Variants in SSBP3 observed in about 807,000 individuals in gnomAD.
The protein encoded by SSBP3 is single-stranded DNA-binding protein 3.
In SSBP3, 5 loss-of-function variants were observed where a neutral mutation model predicts 69.6. That is an observed-to-expected ratio of 0.07 (90% CI 0.04 to 0.15). The LOEUF is 0.15. Ranked by LOEUF, SSBP3 falls within the 10% of genes least tolerant of loss-of-function variation. The pLI is 1.00. For missense variants in SSBP3, 312 were observed against 534.0 expected (o/e 0.58, Z 4.10); for synonymous variants, 196 against 193.4 (o/e 1.01, Z -0.11).
intron 4 of SSBP3, among the ~76,000 whole-genome samples, chr1:54,369,221 G>T (rs530577199): frequency 1.1e-4 from 17 of 150,626 alleles, no homozygotes; most frequent in South Asian, 6.4e-4. Flanking sequence ...CTTGAGTCGG[G>T]GGGGGGGCCC....
chr1:54,324,842 C>T (rs571929640), intron 4 of SSBP3, among the ~76,000 whole-genome samples: 2 of 152,230 alleles, frequency 1.3e-5, no homozygotes, highest in East Asian at 3.9e-4. Context: ...ATCTGCTAAA[C>T]GAGGTGGTTT....
At chr1:54,229,897 G>C (rs867259809) in intron 14 of SSBP3, among the ~76,000 whole-genome samples, 1 of 152,224 alleles carries the variant, frequency 6.6e-6, no homozygotes, top group East Asian at 1.9e-4. Context: ...CAGAGATGCT[G>C]ACTTCCAAAG....
intron 10 of SSBP3, 79 bp from the exon 11 acceptor site, chr1:54,242,291 G>C: frequency 1.3e-6 from 2 of 1,538,048 alleles, no homozygotes; most frequent in South Asian, 2.3e-5. Flanking sequence ...GGGGCAGAAG[G>C]AAAGGGCTGA....
At chr1:54,227,920 C>A (rs1644314447) in intron 17 of SSBP3, among the ~76,000 whole-genome samples, 1 of 152,206 alleles carries the variant, frequency 6.6e-6, no homozygotes, top group South Asian at 2.1e-4. Flanking sequence ...TCGTTGGCTG[C>A]ACGAACCTTT....
chr1:54,263,274 A>G (rs749684648), intron 5 of SSBP3, among the ~76,000 whole-genome samples: 2 of 152,190 alleles, frequency 1.3e-5, no homozygotes, highest in Non-Finnish European at 2.9e-5. Context: ...CAGGACCCCC[A>G]GCCCTCCCGC....
intron 4 of SSBP3, among the ~76,000 whole-genome samples, chr1:54,382,776 G>A (rs766059170): frequency 1.3e-5 from 2 of 150,386 alleles, no homozygotes; most frequent in Admixed American, 1.3e-4. Flanking sequence ...ACCTGAAGTC[G>A]GGAGTTCGAG....
intron 14 of SSBP3, among the ~76,000 whole-genome samples, chr1:54,236,147 A>C (rs1247717693): frequency 6.6e-6 from 1 of 151,838 alleles, no homozygotes; most frequent in Non-Finnish European, 1.5e-5. Context: ...ACGGAGTCTC[A>C]TTCTGTCACC....
upstream of SSBP3, among the ~76,000 whole-genome samples, chr1:54,407,749 A>AT (rs532968816): frequency 0.086 from 8,323 of 97,204 alleles, 699 homozygotes; most frequent in Non-Finnish European, 0.1. Context: ...GCCTAGGTTG[A>AT]TTTTTTTTTT....
chr1:54,378,815 G>A (rs1329529107), intron 4 of SSBP3, among the ~76,000 whole-genome samples: 4 of 152,178 alleles, frequency 2.6e-5, no homozygotes, highest in Non-Finnish European at 5.9e-5. Flanking sequence ...GGGACAAAGG[G>A]GACAAGAGAC....
rs1275625511 is a variant in SSBP3, at chr1:54,240,813, C to T, written c.856+92G>A. Reference sequence around the variant, plus strand: ...CCCAGGAAGGAGTGGCTGGTAAGCTCTGGCTCTGCAACAGTGCCCCTCCAG... The same window carrying T: ...CCCAGGAAGGAGTGGCTGGTAAGCTTTGGCTCTGCAACAGTGCCCCTCCAG... On this transcript the variant is annotated intron_variant, in intron 13 of 17. Transcript: ENST00000610401. The T allele has an allele frequency of 3.3e-6, 5 of 1,537,186 alleles. No homozygotes were observed. In the African/African-American group the frequency reaches 4.1e-5, roughly 13 times the overall value.
At chr1:54,253,819 G>A (rs1185534115) in intron 7 of SSBP3, among the ~76,000 whole-genome samples, 1 of 152,208 alleles carries the variant, frequency 6.6e-6, no homozygotes, top group Non-Finnish European at 1.5e-5. Flanking sequence ...AGACAGTGCA[G>A]CCATGGGGCT....
chr1:54,231,329 G>A (rs981543321), intron 14 of SSBP3, among the ~76,000 whole-genome samples: 2 of 152,180 alleles, frequency 1.3e-5, no homozygotes, highest in African/African-American at 2.4e-5. Flanking sequence ...CTGGCTATTT[G>A]TAATTTTTGG....
intron 4 of SSBP3, among the ~76,000 whole-genome samples, chr1:54,359,962 T>G (rs568382305): frequency 1.6e-4 from 24 of 152,238 alleles, no homozygotes; most frequent in South Asian, 1.5e-3. Flanking sequence ...CCACCACTAC[T>G]GGGTGTGTGA....
At chr1:54,234,014 C>T (rs1644440286) in intron 14 of SSBP3, among the ~76,000 whole-genome samples, 2 of 152,028 alleles carry the variant, frequency 1.3e-5, no homozygotes, top group African/African-American at 2.4e-5. Flanking sequence ...AAAAATTCTT[C>T]TGCCTTGGGA....
chr1:54,356,329 A>C (rs1454265304), intron 4 of SSBP3: 6 of 152,228 alleles, frequency 3.9e-5, no homozygotes, highest in African/African-American at 1.4e-4. Flanking sequence ...GGTGCAAAGG[A>C]AACGCCGCAC....
intron 1 of SSBP3, among the ~76,000 whole-genome samples, chr1:54,405,286 G>C (rs1398519700): frequency 6.6e-6 from 1 of 152,162 alleles, no homozygotes; most frequent in African/African-American, 2.4e-5. Flanking sequence ...GCCAGCTTTG[G>C]AGGTCCGAGG....
At chr1:54,343,811 T>A (rs1646647549) in intron 4 of SSBP3, among the ~76,000 whole-genome samples, 1 of 152,208 alleles carries the variant, frequency 6.6e-6, no homozygotes, top group Non-Finnish European at 1.5e-5. Flanking sequence ...CCACCCCGTC[T>A]ACCCAAAGGA....
At chr1:54,404,263 G>A (rs1570074279) in intron 3 of SSBP3, among the ~76,000 whole-genome samples, 1 of 152,156 alleles carries the variant, frequency 6.6e-6, no homozygotes, top group African/African-American at 2.4e-5. Flanking sequence ...GCAACATGCA[G>A]AATTGACAAA....
chr1:54,409,067 T>C (rs1649922322), upstream of SSBP3, among the ~76,000 whole-genome samples: 1 of 152,110 alleles, frequency 6.6e-6, no homozygotes, highest in Admixed American at 6.5e-5. Flanking sequence ...TTATCCAAAA[T>C]GTGGTCAGAT....
Sources: gnomAD v4.1 joint callset for allele counts (sites outside exome capture counted in the v4.1 genomes callset) on GRCh38, gnomAD v4.1.1 for gene constraint, MANE v1.5 for transcripts, NCBI Gene and HGNC (gene_info 2026-07-23, HGNC 2026-07-21) for gene names.